Variants in STS observed in about 807,000 individuals in gnomAD.
STS encodes the protein steroid sulfatase.
Under a neutral mutation model 26.8 loss-of-function variants are expected in STS, and 7 were observed. The ratio of observed to expected loss-of-function variants is 0.26; its 90% CI spans 0.15 to 0.49. The LOEUF is 0.49. STS is among the 20% of genes least tolerant of loss of function. STS has a pLI of 0.98. For missense variants in STS, 434 were observed against 465.6 expected (o/e 0.93, Z 0.63); for synonymous variants, 199 against 189.4 (o/e 1.05, Z -0.42).
chrX:7,153,717 GTCCTCC>G (rs1262765624), intron 1 of STS, among the ~76,000 whole-genome samples: 1 of 45,987 alleles, frequency 2.2e-5, no homozygotes, highest in East Asian at 7.0e-4. Flanking sequence ...CTTTCTTCCT[GTCCTCC>G]TCCTCCTCGA....
In STS at chrX:7,350,388, A is replaced by C. The variant is rs1181839407; in HGVS notation, c.*127A>C. ...TGGATTTGGACTGATTCTCCATTTTATCACCTGAAGGCTTGGGCCAGAGCT... is the reference window on the plus strand; with the variant it reads ...TGGATTTGGACTGATTCTCCATTTTCTCACCTGAAGGCTTGGGCCAGAGCT... On this transcript the variant is annotated 3_prime_UTR_variant, in exon 11 of 11. Transcript: ENST00000674429. The C allele has an allele frequency of 1.5e-5, 15 of 978,193 alleles. No homozygotes were observed. Among genetic ancestry groups the C allele is most frequent in the African/African-American group, 9.6e-5 (5 of 52,324 alleles). The allele number at this position is 978,193 out of a possible 1,213,427, so 80.6% of individuals were successfully genotyped here.
At chrX:7,271,501 G>A (rs1199589952) in intron 6 of STS, among the ~76,000 whole-genome samples, 2 of 110,929 alleles carry the variant, frequency 1.8e-5, no homozygotes, top group African/African-American at 6.6e-5. Flanking sequence ...TTCCTCAAGG[G>A]CATCTTCTCT....
chrX:7,354,609 A>G lies in STS; in HGVS notation c.*4348A>G, dbSNP rs1249334382. 9.0e-6 allele frequency: 1 copy of G among 111,691 alleles called. No homozygotes were observed. The highest frequency in any genetic ancestry group is 1.9e-5 in the Non-Finnish European group (1 of 53,222). The allele number at this position is 111,691 out of a possible 1,213,427, so 9.2% of individuals were successfully genotyped here. On this transcript the variant is annotated 3_prime_UTR_variant, in exon 11 of 11. Coordinates refer to ENST00000674429, the MANE Select transcript of STS (RefSeq NM_001320752.2). ...TTGCTTAATACCATCTCTTTGTGTA[A>G]TAGATCTGAATAAAGTAATTGTAAT...
In STS at chrX:7,270,998, C is replaced by CTTCTTCT. The variant is rs1555958344; in HGVS notation, c.807-4951_807-4950insCTTCTTT. On this transcript the variant is annotated intron_variant, in intron 6 of 10. Coordinates refer to ENST00000674429, the MANE Select transcript of STS (RefSeq NM_001320752.2). Reference sequence around the variant, plus strand: ...ATGTCTCTTTCTTCTTCTTCTTCTTCTTTTTTTTTTTTTAACTTTTGAGCA... The same window carrying CTTCTTCT: ...ATGTCTCTTTCTTCTTCTTCTTCTTCTTCTTCTTTTTTTTTTTTTTAACTTTTGAGCA... 3.0e-5 allele frequency among the ~76,000 whole-genome samples: 3 copies of CTTCTTCT among 101,277 alleles called. 1 individual carries two copies. In the South Asian group the frequency reaches 1.3e-3, roughly 44 times the overall value. The allele number at this position is 101,277 out of a possible 115,157, so 87.9% of individuals were successfully genotyped here. A position where few individuals can be genotyped will look rare whatever the true frequency, so the allele number is the denominator to read the frequency against.
In STS at chrX:7,334,088, GC is replaced by G. The variant is rs1292926852; in HGVS notation, c.1345del (p.Arg449AlafsTer62). 8.3e-7 allele frequency: 1 copy of G among 1,211,385 alleles called. No homozygotes were observed. The highest frequency in any genetic ancestry group is 1.7e-5 in the African/African-American group (1 of 57,710). Reference sequence around the variant, plus strand: ...ACTGCAACGCCTACTTAAATGCTGTGCGCTGGCACCCTCAGAACAGTGAGTA... The same window carrying G: ...ACTGCAACGCCTACTTAAATGCTGTGGCTGGCACCCTCAGAACAGTGAGTA... ...HYCNAYLNAV[R>X]WHPQNSTSIW... On this transcript the variant is annotated frameshift_variant, in exon 10 of 11. Coordinates refer to ENST00000674429, the MANE Select transcript of STS (RefSeq NM_001320752.2). LOFTEE classifies it low-confidence loss of function (END_TRUNC).
rs541677340 is a variant in STS at position 7,324,804 on chromosome X, T to C, written c.1082-535T>C. Among the ~76,000 whole-genome samples, 9 of 111,866 alleles carry C rather than the reference T, an allele frequency of 8.0e-5. No individual in the cohort carries two copies. The South Asian group carries it at 3.4e-3, about 42-fold the overall frequency. On this transcript the variant is annotated intron_variant, in intron 8 of 10. Transcript: ENST00000674429. ...GTTAGTCGAGGGGCTTAGAATTTTA[T>C]TTTTGGTTTACAACCCTATGATTAT...
chrX:7,296,773 G>T (rs1239384292), intron 7 of STS, among the ~76,000 whole-genome samples: 1 of 112,277 alleles, frequency 8.9e-6, no homozygotes, highest in Non-Finnish European at 1.9e-5. Context: ...ATCCGTGAAG[G>T]CATCCCAGAT....
At chrX:7,152,566 G>A (rs1024333635) in intron 1 of STS, among the ~76,000 whole-genome samples, 4 of 112,372 alleles carry the variant, frequency 3.6e-5, no homozygotes, top group African/African-American at 1.3e-4. Flanking sequence ...TAATCCGCCC[G>A]CCTTGGCCTT....
At chrX:7,204,884 C>T (rs1403376369) in intron 2 of STS, among the ~76,000 whole-genome samples, 1 of 108,194 alleles carries the variant, frequency 9.2e-6, no homozygotes, top group Non-Finnish European at 1.9e-5. Context: ...TCCTTCCTTT[C>T]CCTTATTCCT....
At chrX:7,174,383 C>T (rs1309592974) in intron 1 of STS, among the ~76,000 whole-genome samples, 1 of 111,831 alleles carries the variant, frequency 8.9e-6, no homozygotes, top group Admixed American at 9.5e-5. Flanking sequence ...AGCCAGCATA[C>T]CTGCTGCATG....
chrX:7,347,002 A>T (rs1452715981), intron 10 of STS, among the ~76,000 whole-genome samples: 1 of 112,063 alleles, frequency 8.9e-6, no homozygotes. Context: ...CCAGGAGTTC[A>T]AGACTATAGT....
chrX:7,219,343 AG>A lies in STS; in HGVS notation c.-5+28339del, dbSNP rs1479391057. 7 of 902,183 alleles carry A rather than the reference AG, an allele frequency of 7.8e-6. No individual in the cohort carries two copies. The East Asian group carries it at 3.3e-4, about 42-fold the overall frequency. The allele number at this position is 902,183 out of a possible 1,213,427, so 74.4% of individuals were successfully genotyped here. A position where few individuals can be genotyped will look rare whatever the true frequency, so the allele number is the denominator to read the frequency against. On this transcript the variant is annotated intron_variant, in intron 2 of 10. Coordinates refer to ENST00000674429, the MANE Select transcript of STS (RefSeq NM_001320752.2). ...TTATCTTTGACACAAATCATACCGA[AG>A]GGGAGAAGTTGCCCCTTCTGAAGAA...
intron 8 of STS, among the ~76,000 whole-genome samples, chrX:7,309,610 C>A (rs906926202): frequency 9.3e-6 from 1 of 107,092 alleles, no homozygotes; most frequent in Admixed American, 1.0e-4. Context: ...AAAAAAAAAT[C>A]TATGGGCTAA....
rs184167279 is a variant in STS, at chrX:7,314,075, C to T, written c.1081+8892C>T. Reference sequence around the variant, plus strand: ...AGTATTTCTAGGGATGAAAATGTAGCTGGGCGCAGTGGCTTATACCTGTAA... The same window carrying T: ...AGTATTTCTAGGGATGAAAATGTAGTTGGGCGCAGTGGCTTATACCTGTAA... On this transcript the variant is annotated intron_variant, in intron 8 of 10. Transcript: ENST00000674429. Among the ~76,000 whole-genome samples the T allele has an allele frequency of 1.1e-3, 121 of 111,775 alleles. 1 individual carries two copies. Among genetic ancestry groups the T allele is most frequent in the African/African-American group, 3.6e-3 (112 of 30,727 alleles).
At chrX:7,188,827 T>C (rs1242536314) in intron 1 of STS, among the ~76,000 whole-genome samples, 1 of 111,843 alleles carries the variant, frequency 8.9e-6, no homozygotes, top group East Asian at 2.8e-4. Context: ...CCCACATCCA[T>C]GCAATCTTAG....
At position 7,259,806 on chromosome X, in the gene STS, TA is replaced by T. The variant is rs765010098; in HGVS notation, c.806+40del. 17 of 1,190,552 alleles carry T rather than the reference TA, an allele frequency of 1.4e-5. No homozygotes were observed. The South Asian group carries it at 2.5e-4, about 17-fold the overall frequency. ...TGCCTTGTCCTCTGATGCTGCCTGT[TA>T]AAAAACATTCTGGGTTATTTCTCGT... On this transcript the variant is annotated intron_variant, in intron 6 of 10. Coordinates refer to ENST00000674429, the MANE Select transcript of STS (RefSeq NM_001320752.2).
At chrX:7,185,549 A>G (rs1472099994) in intron 1 of STS, among the ~76,000 whole-genome samples, 1 of 112,323 alleles carries the variant, frequency 8.9e-6, no homozygotes, top group African/African-American at 3.2e-5. Flanking sequence ...GCTTATCAGT[A>G]TATGGCAAAC....
rs978631015 is a variant in STS at position 7,175,364 on chromosome X, C to T, written c.-133-15516C>T. Among the ~76,000 whole-genome samples the T allele has an allele frequency of 4.5e-5, 5 of 110,028 alleles. No homozygotes were observed. In the Admixed American group the frequency reaches 4.9e-4, roughly 11 times the overall value. ...CAAAAATCAGCCAGACATGGTGGTA[C>T]GTGCTTGTAGTTCTACTTACTTGGG... On this transcript the variant is annotated intron_variant, in intron 1 of 10. Coordinates refer to ENST00000674429, the MANE Select transcript of STS (RefSeq NM_001320752.2).
At chrX:7,176,114 G>C (rs1445274176) in intron 1 of STS, among the ~76,000 whole-genome samples, 2 of 111,354 alleles carry the variant, frequency 1.8e-5, no homozygotes, top group Admixed American at 1.9e-4. Flanking sequence ...CCTTGAACGT[G>C]GGTTTTGTAT....
Sources: allele counts gnomAD v4.1 joint callset (sites outside exome capture counted in the v4.1 genomes callset), GRCh38; gene constraint gnomAD v4.1.1; transcripts MANE v1.5; gene names NCBI Gene and HGNC (gene_info 2026-07-23, HGNC 2026-07-21).